The following GLIS3 variants were observed in gnomAD, a reference collection of about 807,000 sequenced individuals.
The protein encoded by GLIS3 is GLIS family zinc finger 3.
GLIS3 carries 53 observed loss-of-function variants against 78.6 expected under a neutral mutation model. The ratio of observed to expected loss-of-function variants is 0.67; its 90% CI spans 0.54 to 0.85. The LOEUF is 0.85. Ranked by LOEUF, GLIS3 falls within the 40% of genes least tolerant of loss-of-function variation. The pLI is 0.00. For missense variants in GLIS3, 1,703 were observed against 1,231.1 expected, an observed-to-expected ratio of 1.38 and a Z score of -5.74; for synonymous variants, 684 against 509.9, an observed-to-expected ratio of 1.34 and a Z score of -4.60.
rs551682762 is a variant in GLIS3 at position 3,853,635 on chromosome 9, G to A, written c.2473+2374C>T. On this transcript the variant is annotated intron_variant, in intron 9 of 10. Transcript: ENST00000381971. The stretch of plus-strand genomic sequence containing the variant: ...ATGAAATGCCCCCCACTTAACAAAT[G>A]TGAACTAAGACTCCATGATTTGCCC... Among the ~76,000 whole-genome samples, 3 of 152,310 alleles carry A rather than the reference G, an allele frequency of 2.0e-5. No individual in the cohort carries two copies. The East Asian group carries it at 5.8e-4, about 29-fold the overall frequency.
the GLIS3 span, among the ~76,000 whole-genome samples, chr9:4,354,577 G>C: frequency 6.6e-6 from 1 of 152,174 alleles, no homozygotes; most frequent in Non-Finnish European, 1.5e-5. Context: ...CAGTGCACGG[G>C]ATTGTCCCAG....
chr9:4,437,736 C>G, the GLIS3 span, among the ~76,000 whole-genome samples: 2 of 152,114 alleles, frequency 1.3e-5, no homozygotes, highest in Non-Finnish European at 2.9e-5. Flanking sequence ...ATAGCAAGAC[C>G]AAACCCACCT....
intron 6 of GLIS3, among the ~76,000 whole-genome samples, chr9:3,929,182 C>G (rs979213591): frequency 4.3e-4 from 65 of 152,070 alleles, no homozygotes; most frequent in African/African-American, 1.4e-3. Context: ...TCTGTGTAAC[C>G]CTTGATTTAA....
intron 1 of GLIS3, among the ~76,000 whole-genome samples, chr9:4,287,584 C>T (rs78319790): frequency 0.088 from 13,439 of 152,158 alleles, 656 homozygotes; most frequent in African/African-American, 0.14. Flanking sequence ...TGGAAAGAAG[C>T]CAAAGTTCAA....
chr9:4,129,826 G>C lies in GLIS3; in HGVS notation c.389-3885C>G, dbSNP rs547855427. On this transcript the variant is annotated intron_variant, in intron 2 of 10. Coordinates refer to ENST00000381971, the MANE Select transcript of GLIS3 (RefSeq NM_001042413.2). ...TTGGAATTGGGTATGGACAGAAGTT[G>C]AAAGAGTGTGGAGGACTCAGAAGAA... Among the ~76,000 whole-genome samples, 13 of 152,348 alleles carry C rather than the reference G, an allele frequency of 8.5e-5. No homozygotes were observed. The South Asian group carries it at 2.7e-3, about 32-fold the overall frequency.
At chr9:4,311,674 G>A (rs746132137) in intron 2 of GLIS3, among the ~76,000 whole-genome samples, 11 of 151,910 alleles carry the variant, frequency 7.2e-5, no homozygotes, top group African/African-American at 1.7e-4. Flanking sequence ...CTCCTGCATC[G>A]GCCTTATCAC....
chr9:4,272,281 T>C (rs1020780499), intron 2 of GLIS3, among the ~76,000 whole-genome samples: 1 of 152,178 alleles, frequency 6.6e-6, no homozygotes, highest in Non-Finnish European at 1.5e-5. Flanking sequence ...CTTTTCAAAA[T>C]AAACATATGC....
In GLIS3 at chr9:3,906,956, ACTC is replaced by A. The variant is rs370483173; in HGVS notation, c.1984-8124_1984-8122del. Among the ~76,000 whole-genome samples the A allele has an allele frequency of 8.6e-4, 130 of 151,444 alleles. 1 individual carries two copies. In the South Asian group the frequency reaches 0.026, roughly 30 times the overall value. The stretch of plus-strand genomic sequence containing the variant: ...GAACGGACTCCCTCCTCCTAATGTA[ACTC>A]CTCCAAGATCCTGTTTATGACTCAC... On this transcript the variant is annotated intron_variant, in intron 6 of 10. Transcript: ENST00000381971.
chr9:4,327,393 A>G (rs1041827603), intron 2 of GLIS3, among the ~76,000 whole-genome samples: 7 of 152,150 alleles, frequency 4.6e-5, no homozygotes, highest in Admixed American at 2.6e-4. Context: ...AGCTTTGGAA[A>G]GAGGTGTCAA....
chr9:3,897,502 T>C (rs1466292074), intron 7 of GLIS3, among the ~76,000 whole-genome samples: 1 of 152,212 alleles, frequency 6.6e-6, no homozygotes, highest in Non-Finnish European at 1.5e-5. Context: ...TTGATATATT[T>C]GATGTCTGTA....
At chr9:4,308,339 G>C (rs1206785726) in intron 4 of GLIS3, among the ~76,000 whole-genome samples, 1 of 152,138 alleles carries the variant, frequency 6.6e-6, no homozygotes, top group South Asian at 2.1e-4. Flanking sequence ...GTTACCAGAG[G>C]AGAGGAGGTG....
At chr9:4,281,523 A>G (rs1827550811) in intron 2 of GLIS3, among the ~76,000 whole-genome samples, 1 of 152,224 alleles carries the variant, frequency 6.6e-6, no homozygotes, top group Non-Finnish European at 1.5e-5. Flanking sequence ...ATACAAAAGG[A>G]ATCATACAAT....
At chr9:4,258,838 A>T (rs931977332) in intron 2 of GLIS3, among the ~76,000 whole-genome samples, 9 of 152,194 alleles carry the variant, frequency 5.9e-5, no homozygotes, top group Non-Finnish European at 1.2e-4. Flanking sequence ...CATTACTTGC[A>T]TTCTTTTCTT....
intron 9 of GLIS3, among the ~76,000 whole-genome samples, chr9:3,843,905 G>GA (rs1818878131): frequency 6.6e-6 from 1 of 152,266 alleles, no homozygotes; most frequent in South Asian, 2.1e-4. Context: ...AAGTGAACTA[G>GA]AAAAAATACC....
chr9:3,985,696 T>G (rs370400691), intron 4 of GLIS3, among the ~76,000 whole-genome samples: 1 of 152,228 alleles, frequency 6.6e-6, no homozygotes, highest in Non-Finnish European at 1.5e-5. Context: ...ATAAAAAATT[T>G]TAGCAAAGGA....
At chr9:4,461,945 AT>A in the GLIS3 span, among the ~76,000 whole-genome samples, 1 of 152,216 alleles carries the variant, frequency 6.6e-6, no homozygotes, top group Non-Finnish European at 1.5e-5. Flanking sequence ...TGTTTTACAT[AT>A]TATGTTTATG....
chr9:4,169,681 C>T (rs866513291), intron 2 of GLIS3, among the ~76,000 whole-genome samples: 10 of 151,996 alleles, frequency 6.6e-5, no homozygotes, highest in Middle Eastern at 3.4e-3. Context: ...TGTACATTAA[C>T]GTATTTAGGG....
chr9:4,243,108 T>C (rs1316522586), intron 2 of GLIS3, among the ~76,000 whole-genome samples: 1 of 152,186 alleles, frequency 6.6e-6, no homozygotes, highest in East Asian at 1.9e-4. Context: ...AGGCCTTCCA[T>C]CACCAAGAAT....
chr9:4,361,124 A>C, the GLIS3 span, among the ~76,000 whole-genome samples: 1 of 152,066 alleles, frequency 6.6e-6, no homozygotes, highest in Non-Finnish European at 1.5e-5. Flanking sequence ...GGGCCGATGC[A>C]CTCATTCCTG....
Sources: gnomAD v4.1 joint callset for allele counts (sites outside exome capture counted in the v4.1 genomes callset) on GRCh38, gnomAD v4.1.1 for gene constraint, MANE v1.5 for transcripts, NCBI Gene and HGNC (gene_info 2026-07-23, HGNC 2026-07-21) for gene names.